YIF1B: variants seen among roughly 807,000 people sequenced by gnomAD.
YIF1B encodes the protein protein YIF1B.
YIF1B carries 24 observed loss-of-function variants against 34.6 expected under a neutral mutation model. That is an observed-to-expected ratio of 0.69 (90% CI 0.50 to 0.98). YIF1B has a LOEUF of 0.98. Among genes scored for constraint, YIF1B ranks in the 50% least tolerant of loss-of-function variants. The pLI is 0.00. For missense variants in YIF1B, 368 were observed against 429.4 expected, an observed-to-expected ratio of 0.86 and a Z score of 1.26; for synonymous variants, 186 against 184.8, an observed-to-expected ratio of 1.01 and a Z score of -0.05.
At chr19:38,307,173 G>C (rs1184122837) in intron 7 of YIF1B, 2 of 543,438 alleles carry the variant, frequency 3.7e-6, no homozygotes, top group South Asian at 2.0e-5. Context: ...ATGAGAGTGA[G>C]AGCCCAGCCT....
chr19:38,316,908 G>A (rs1969570956), upstream of YIF1B, among the ~76,000 whole-genome samples: 1 of 152,068 alleles, frequency 6.6e-6, no homozygotes, highest in Non-Finnish European at 1.5e-5. Flanking sequence ...CCATCCTCCT[G>A]CTTCAGCCTC....
intron 1 of YIF1B, among the ~76,000 whole-genome samples, chr19:38,311,847 C>A (rs1029822535): frequency 2.0e-4 from 31 of 152,186 alleles, no homozygotes; most frequent in Non-Finnish European, 1.3e-4. Context: ...GCCTGTAATC[C>A]CAGCATTTTG....
At chr19:38,319,963 G>A (rs1969627277), upstream of YIF1B, 6 of 1,454,620 alleles carry the variant, frequency 4.1e-6, no homozygotes, top group African/African-American at 1.5e-5. Context: ...GCGGAGGGGC[G>A]CGCTTCTGGC....
intron 5 of YIF1B, 142 bp downstream of exon 5, chr19:38,308,650 C>A: frequency 3.1e-6 from 3 of 961,986 alleles, no homozygotes; most frequent in South Asian, 1.4e-5. Flanking sequence ...GACAGTGACC[C>A]TGAGGGCTGT....
Position 38,305,355 on chromosome 19 carries a change from C to CCG in YIF1B, c.940_941dup (p.Ter315GlyfsTer6), listed in dbSNP as rs1470124031. On this transcript the variant is annotated frameshift_variant, in exon 8 of 8. Transcript: ENST00000339413. LOFTEE classifies it high-confidence loss of function. Reference sequence around the variant, plus strand: ...GCGGGAGGTTCAGCGGGCGCGCTCACCGCACCAGGTGGAAGGTGAGCCAGT... The same window carrying CCG: ...GCGGGAGGTTCAGCGGGCGCGCTCACCGCGCACCAGGTGGAAGGTGAGCCAGT... 1.2e-6 allele frequency: 2 copies of CCG among 1,601,702 alleles called. No homozygotes were observed. The highest frequency in any genetic ancestry group is 1.7e-6 in the Non-Finnish European group (2 of 1,171,730).
At chr19:38,317,868 C>T (rs1428453753), upstream of YIF1B, among the ~76,000 whole-genome samples, 1 of 151,606 alleles carries the variant, frequency 6.6e-6, no homozygotes, top group Non-Finnish European at 1.5e-5. Flanking sequence ...GCATGAAACA[C>T]CGCACCCAGC....
intron 1 of YIF1B, among the ~76,000 whole-genome samples, chr19:38,310,995 A>C (rs1200120829): frequency 6.6e-6 from 1 of 152,100 alleles, no homozygotes; most frequent in Non-Finnish European, 1.5e-5. Context: ...GAGTCCCCCA[A>C]GGTGGGGATC....
At position 38,309,322 on chromosome 19, in the gene YIF1B, G is replaced by T; in HGVS notation, c.304C>A (p.Arg102Ser). Residue 102 changes from arginine to serine, a missense_variant, in exon 3 of 8, where the codon CGC becomes AGC. By Grantham distance (110) the Arg-to-Ser change is moderately radical (BLOSUM62 -1). This residue lies in a region of YIF1B where 153 missense variants were observed against 156.7 expected (regional missense o/e 0.98). Transcript: ENST00000339413. ...GKELVDKNID[R>S]FIPITKLKYY... ...TTGAGCTTGGTGATGGGGATGAAGC[G>T]GTCGATCTGGGGAGGCAGAGCTCAA... is the stretch of plus-strand genomic sequence containing the variant. The T allele has an allele frequency of 1.2e-6, 2 of 1,614,020 alleles. No homozygotes were observed. Among genetic ancestry groups the T allele is most frequent in the Non-Finnish European group, 1.7e-6 (2 of 1,179,954 alleles).
upstream of YIF1B, chr19:38,320,117 C>A: frequency 6.3e-7 from 1 of 1,578,634 alleles, no homozygotes; most frequent in East Asian, 2.3e-5. Flanking sequence ...TGTGTGGCTG[C>A]CCCCGCCCTG....
upstream of YIF1B, chr19:38,319,768 A>T: frequency 1.6e-6 from 1 of 610,500 alleles, no homozygotes; most frequent in Non-Finnish European, 2.6e-6. Context: ...GGCGTGCCTC[A>T]GTTTCCCGGA....
upstream of YIF1B, among the ~76,000 whole-genome samples, chr19:38,321,295 C>T (rs1969649223): frequency 6.6e-6 from 1 of 152,158 alleles, no homozygotes; most frequent in South Asian, 2.1e-4. Flanking sequence ...GTCTCCTGGC[C>T]CCATACTCCC....
rs1464892405 is a variant in YIF1B at position 38,315,780 on chromosome 19, T to C, written c.58+80A>G. ...TCCAGATCCTTGATCTCGTGACCTC[T>C]GACCTGCAGTGACCTCGCCAACCGA... On this transcript the variant is annotated intron_variant, in intron 1 of 7. Transcript: ENST00000339413. 2.0e-5 allele frequency: 31 copies of C among 1,564,238 alleles called. 1 individual carries two copies. In the East Asian group the frequency reaches 7.4e-4, roughly 37 times the overall value.
chr19:38,315,921 T>C lies in YIF1B; in HGVS notation c.-4A>G. On this transcript the variant is annotated 5_prime_UTR_variant, in exon 1 of 8. Transcript: ENST00000339413. ...CCGCCAAGCCTGCCGGGTGCATCCT[T>C]CGCCGCCGCCACCTAAGCCGCGGTT... The C allele has an allele frequency of 6.9e-7, 1 of 1,457,936 alleles. No homozygotes were observed. Among genetic ancestry groups the C allele is most frequent in the Non-Finnish European group, 9.0e-7 (1 of 1,113,094 alleles). The allele number at this position is 1,457,936 out of a possible 1,614,324, so 90.3% of individuals were successfully genotyped here. A position where few individuals can be genotyped will look rare whatever the true frequency, so the allele number is the denominator to read the frequency against.
intron 7 of YIF1B, chr19:38,307,100 G>T (rs890629828): frequency 4.1e-6 from 2 of 490,362 alleles, no homozygotes; most frequent in Non-Finnish European, 8.1e-6. Context: ...CAGTGGGAAG[G>T]GCTCTAGAGA....
chr19:38,319,862 C>G, upstream of YIF1B: 2 of 1,260,130 alleles, frequency 1.6e-6, no homozygotes, highest in South Asian at 4.0e-5. Context: ...CTGTAGCACT[C>G]CCGGAACTGG....
At chr19:38,321,765 C>T (rs1383196795), upstream of YIF1B, among the ~76,000 whole-genome samples, 1 of 152,254 alleles carries the variant, frequency 6.6e-6, no homozygotes, top group African/African-American at 2.4e-5. Context: ...CTGGGTCTGC[C>T]CATGCTGCCA....
Position 38,307,698 on chromosome 19 carries a change from G to A in YIF1B, c.594C>T (p.Thr198=). 6.2e-7 allele frequency: 1 copy of A among 1,613,368 alleles called. No homozygotes were observed. The change falls in exon 6 of 8, where the codon ACC becomes ACT. Residue 198 remains threonine (T), a synonymous_variant. Coordinates refer to ENST00000339413, the MANE Select transcript of YIF1B (RefSeq NM_001039672.3). ...LQASSALAWL[T]LEVLAILLSL... Reference sequence around the variant, plus strand: ...TGAGCAGGATGGCCAGCACCTCCAGGGTCAGCCAGGCCAGGGCTGAGCTCG... The same window carrying A: ...TGAGCAGGATGGCCAGCACCTCCAGAGTCAGCCAGGCCAGGGCTGAGCTCG...
In YIF1B at chr19:38,309,163, C is replaced by T. The variant is rs1969199558; in HGVS notation, c.402+61G>A. ...ATCTCCCGGCTCCACCATGCACCTG[C>T]CCCCACCCCTGAGCCCCCCACAGGC... is the stretch of plus-strand genomic sequence containing the variant. On this transcript the variant is annotated intron_variant, in intron 3 of 7. Transcript: ENST00000339413. The T allele has an allele frequency of 2.5e-6, 4 of 1,593,988 alleles. No homozygotes were observed. The African/African-American group carries it at 5.3e-5, about 21-fold the overall frequency.
Position 38,307,628 on chromosome 19 carries a change from G to A in YIF1B, c.664C>T (p.Leu222=), listed in dbSNP as rs771589394. 1 of 1,613,786 alleles carries A rather than the reference G, an allele frequency of 6.2e-7. No homozygotes were observed. Among genetic ancestry groups the A allele is most frequent in the Non-Finnish European group, 8.5e-7 (1 of 1,180,024 alleles). Residue 222 remains leucine, a synonymous_variant, in exon 6 of 8, where the codon CTG becomes TTG. Coordinates refer to ENST00000339413, the MANE Select transcript of YIF1B (RefSeq NM_001039672.3). ...TATTTGTAGCCCAAGAAGGCCACCA[G>A]GTCGATGGTGGTGAGGTCGGTGTTG... The part of the protein sequence containing the change: ...TVNTDLTTID[L]VAFLGYKYVG...
Sources: allele counts gnomAD v4.1 joint callset (sites outside exome capture counted in the v4.1 genomes callset), GRCh38; gene constraint gnomAD v4.1.1; regional missense constraint gnomAD v4.1.1; transcripts MANE v1.5; gene names NCBI Gene and HGNC (gene_info 2026-07-23, HGNC 2026-07-21).